Variants in OTUD7A observed in about 807,000 individuals in gnomAD.
OTUD7A encodes the protein OTU domain-containing protein 7A.
Under a neutral mutation model 65.7 loss-of-function variants are expected in OTUD7A, and 12 were observed. The observed-to-expected ratio is 0.18, with a 90% CI of 0.12 to 0.30. The LOEUF is 0.30. OTUD7A is among the 10% of genes least tolerant of loss of function. The probability of loss-of-function intolerance (pLI) is 1.00; values close to 1 mark genes in which losing one functional copy is unlikely to be tolerated. For missense variants in OTUD7A, 1,148 were observed against 1,304.8 expected (o/e 0.88, Z 1.85); for synonymous variants, 641 against 586.3 (o/e 1.09, Z -1.35).
intron 3 of OTUD7A, among the ~76,000 whole-genome samples, chr15:31,607,575 C>G (rs1890272835): frequency 6.6e-6 from 1 of 152,130 alleles, no homozygotes; most frequent in African/African-American, 2.4e-5. Flanking sequence ...ATTAAAATTA[C>G]CAGTGGTCCC....
At chr15:31,686,213 C>T (rs1465245772) in intron 1 of OTUD7A, among the ~76,000 whole-genome samples, 2 of 152,224 alleles carry the variant, frequency 1.3e-5, no homozygotes, top group African/African-American at 4.8e-5. Context: ...GGGTCCTTTT[C>T]CCCTGAGTGT....
At chr15:31,547,998 C>T (rs985930489) in intron 5 of OTUD7A, among the ~76,000 whole-genome samples, 3 of 152,204 alleles carry the variant, frequency 2.0e-5, no homozygotes, top group Admixed American at 6.5e-5. Flanking sequence ...CTGGAACTGC[C>T]GCAAGGTAGG....
At chr15:31,647,571 C>A (rs1441799220) in intron 3 of OTUD7A, among the ~76,000 whole-genome samples, 1 of 152,132 alleles carries the variant, frequency 6.6e-6, no homozygotes, top group African/African-American at 2.4e-5. Context: ...TTAAGTGAAG[C>A]CTTCCTTGAC....
At chr15:31,811,717 A>T (rs555096857) in intron 1 of OTUD7A, among the ~76,000 whole-genome samples, 2 of 152,072 alleles carry the variant, frequency 1.3e-5, no homozygotes, top group Admixed American at 1.3e-4. Context: ...CACCATCCTC[A>T]CTCTGTAGGG....
Position 31,482,060 on chromosome 15 carries a change from T to C in OTUD7A, c.*1234A>G, listed in dbSNP as rs1329314481. On this transcript the variant is annotated 3_prime_UTR_variant, in exon 13 of 13. Coordinates refer to ENST00000307050, the MANE Select transcript of OTUD7A (RefSeq NM_001382637.1). ...GAACGGTGTTCTCCGGAGGTAATCT[T>C]GGAAGGAAGAGGCTGCATATTGCTG... The C allele has an allele frequency of 6.6e-6, 1 of 152,248 alleles. No individual in the cohort carries two copies. The highest frequency in any genetic ancestry group is 1.5e-5 in the Non-Finnish European group (1 of 68,048). 9.4% of individuals were successfully genotyped at this position (152,248 alleles called of 1,614,324 possible). A position where few individuals can be genotyped will look rare whatever the true frequency, so the allele number is the denominator to read the frequency against.
chr15:31,846,877 C>G (rs878953938), intron 1 of OTUD7A, among the ~76,000 whole-genome samples: 1 of 148,752 alleles, frequency 6.7e-6, no homozygotes, highest in Non-Finnish European at 1.5e-5. Flanking sequence ...GCTACTTTCA[C>G]GAGTTTAGAC....
chr15:31,607,187 G>A (rs890664459), intron 3 of OTUD7A, among the ~76,000 whole-genome samples: 3 of 152,230 alleles, frequency 2.0e-5, no homozygotes, highest in African/African-American at 7.2e-5. Flanking sequence ...TATTGCCAGT[G>A]ACAAAAGCAG....
intron 3 of OTUD7A, among the ~76,000 whole-genome samples, chr15:31,640,699 C>A (rs1445773788): frequency 1.4e-5 from 2 of 138,436 alleles, no homozygotes; most frequent in Non-Finnish European, 3.1e-5. Flanking sequence ...TGATCTAATT[C>A]TCTACATTAA....
At chr15:31,749,522 T>C (rs1894570819) in intron 1 of OTUD7A, among the ~76,000 whole-genome samples, 1 of 152,134 alleles carries the variant, frequency 6.6e-6, no homozygotes, top group East Asian at 1.9e-4. Context: ...ATGGCAGTGT[T>C]ATAATAGTTC....
In OTUD7A at chr15:31,854,284, G is replaced by A. The variant is rs536164660; in HGVS notation, c.-100+16223C>T. Among the ~76,000 whole-genome samples, 16 of 152,270 alleles carry A rather than the reference G, an allele frequency of 1.1e-4. No homozygotes were observed. The South Asian group carries it at 1.5e-3, about 14-fold the overall frequency. ...ACAACTCCTATGCTTCCCTTGTGATGACCTGGGGCCCACCTGGGTCGTCCA... is the reference window on the plus strand; with the variant it reads ...ACAACTCCTATGCTTCCCTTGTGATAACCTGGGGCCCACCTGGGTCGTCCA... On this transcript the variant is annotated intron_variant, in intron 1 of 12. Transcript: ENST00000307050.
intron 1 of OTUD7A, among the ~76,000 whole-genome samples, chr15:31,843,456 G>A (rs552408459): frequency 1.3e-5 from 2 of 151,610 alleles, no homozygotes; most frequent in East Asian, 3.9e-4. Context: ...TACTTTTCCA[G>A]CTCTTCCTTT....
At chr15:31,849,936 C>T (rs531348338) in intron 1 of OTUD7A, among the ~76,000 whole-genome samples, 1 of 152,190 alleles carries the variant, frequency 6.6e-6, no homozygotes, top group African/African-American at 2.4e-5. Flanking sequence ...AATACGAACA[C>T]TTTTAGACAC....
chr15:31,866,685 C>A (rs781324577), intron 1 of OTUD7A, among the ~76,000 whole-genome samples: 2 of 152,216 alleles, frequency 1.3e-5, no homozygotes, highest in African/African-American at 2.4e-5. Flanking sequence ...AAAGAACCAG[C>A]ATATCTTATT....
At chr15:31,622,276 T>C (rs191807571) in intron 3 of OTUD7A, among the ~76,000 whole-genome samples, 96 of 152,306 alleles carry the variant, frequency 6.3e-4, no homozygotes, top group African/African-American at 2.2e-3. Flanking sequence ...ATCTTTGTGG[T>C]GTTCTCTGTA....
rs572185720 is a variant in OTUD7A, at chr15:31,736,624, G to A, written c.-99-79547C>T. ...AATGTATGTTCCAGGTGCCATTTCC[G>A]TCCCCAGGGAAGAGTAGTTTATTTA... On this transcript the variant is annotated intron_variant, in intron 1 of 12. Coordinates refer to ENST00000307050, the MANE Select transcript of OTUD7A (RefSeq NM_001382637.1). Among the ~76,000 whole-genome samples, 16 of 152,120 alleles carry A rather than the reference G, an allele frequency of 1.1e-4. No individual in the cohort carries two copies. The South Asian group carries it at 2.5e-3, about 24-fold the overall frequency.
chr15:31,640,063 T>C (rs1467040112), intron 3 of OTUD7A, among the ~76,000 whole-genome samples: 5 of 152,226 alleles, frequency 3.3e-5, no homozygotes, highest in Admixed American at 1.3e-4. Context: ...TGGGGTATCA[T>C]GTCTAGAAAA....
At position 31,511,062 on chromosome 15, in the gene OTUD7A, T is replaced by TACATATATATGTATATCTATATGTA. The variant is rs1566892766; in HGVS notation, c.894-7269_894-7245dup. ...CATACATGTATATCTATATGTAACA[T>TACATATATATGTATATCTATATGTA]ACATATATATGTATATCTATATGTA... On this transcript the variant is annotated intron_variant, in intron 8 of 12. Transcript: ENST00000307050. 1.3e-4 allele frequency among the ~76,000 whole-genome samples: 9 copies of TACATATATATGTATATCTATATGTA among 69,952 alleles called. 4 individuals are homozygous for TACATATATATGTATATCTATATGTA. The highest frequency in any genetic ancestry group is 3.9e-4 in the South Asian group (1 of 2,536). 45.9% of individuals were successfully genotyped at this position (69,952 alleles called of 152,430 possible).
At chr15:31,551,866 C>T (rs1451168277) in intron 5 of OTUD7A, among the ~76,000 whole-genome samples, 1 of 152,184 alleles carries the variant, frequency 6.6e-6, no homozygotes. Context: ...TCCTTTGCTC[C>T]TCTGGGGCAG....
At chr15:31,795,938 C>T (rs1235650322) in intron 1 of OTUD7A, among the ~76,000 whole-genome samples, 1 of 152,168 alleles carries the variant, frequency 6.6e-6, no homozygotes, top group African/African-American at 2.4e-5. Flanking sequence ...CTGAGCCTGG[C>T]CCCTAGGTAA....
Sources: allele counts gnomAD v4.1 joint callset (sites outside exome capture counted in the v4.1 genomes callset), GRCh38; gene constraint gnomAD v4.1.1; transcripts MANE v1.5; gene names NCBI Gene and HGNC (gene_info 2026-07-23, HGNC 2026-07-21).